MGRN1: variants seen among roughly 807,000 people sequenced by gnomAD.
The protein encoded by MGRN1 is E3 ubiquitin-protein ligase MGRN1.
A neutral mutation model predicts 69.2 loss-of-function variants in MGRN1; 29 were observed. That is an observed-to-expected ratio of 0.42 (90% confidence interval 0.31 to 0.57). The LOEUF (loss-of-function observed/expected upper bound fraction) is 0.57. Ranked by LOEUF, MGRN1 falls within the 20% of genes least tolerant of loss-of-function variation. MGRN1 has a pLI of 0.15. For synonymous variants in MGRN1, 470 were observed against 344.2 expected, an observed-to-expected ratio of 1.37 and a Z score of -4.04; for missense variants, 998 against 796.2, an observed-to-expected ratio of 1.25 and a Z score of -3.05.
intron 1 of MGRN1, among the ~76,000 whole-genome samples, chr16:4,643,829 A>G (rs1018327219): frequency 2.0e-5 from 3 of 152,234 alleles, no homozygotes; most frequent in African/African-American, 7.2e-5. Context: ...TCCAGTTTTT[A>G]TCAATAACAA....
intron 1 of MGRN1, among the ~76,000 whole-genome samples, chr16:4,627,444 C>G (rs552950618): frequency 6.6e-6 from 1 of 152,378 alleles, no homozygotes; most frequent in African/African-American, 2.4e-5. Context: ...TACCACACAA[C>G]TCATCCATTG....
chr16:4,687,222 G>T, intron 16 of MGRN1: 2 of 985,110 alleles, frequency 2.0e-6, no homozygotes, highest in Non-Finnish European at 2.4e-6. Flanking sequence ...CCCAAGAGGC[G>T]CCCTCTACCA....
chr16:4,668,124 C>CTTTTTT, intron 7 of MGRN1, 141 bp from the exon 8 acceptor site: 61 of 521,356 alleles, frequency 1.2e-4, no homozygotes, highest in South Asian at 3.0e-4. Flanking sequence ...TGGCCCCACC[C>CTTTTTT]TTTTTTTTTT....
chr16:4,688,475 C>A (rs534210838), intron 16 of MGRN1: 19 of 1,133,024 alleles, frequency 1.7e-5, no homozygotes, highest in Non-Finnish European at 1.8e-5. Context: ...CCCAGGAAAC[C>A]GGAACCAGGG....
intron 7 of MGRN1, 25 bp from the exon 8 acceptor site, chr16:4,668,240 A>T: frequency 6.2e-7 from 1 of 1,612,494 alleles, no homozygotes; most frequent in Non-Finnish European, 8.5e-7. Context: ...GACCACCTTA[A>T]CCTCTTTGTC....
intron 1 of MGRN1, chr16:4,634,282 C>CGCCCA (rs1206158571): frequency 1.3e-5 from 2 of 152,630 alleles, no homozygotes; most frequent in African/African-American, 4.8e-5. Context: ...CCCTGGCCCT[C>CGCCCA]GCCCAGCCCA....
At chr16:4,677,700 C>G (rs2079083090) in intron 11 of MGRN1, 128 bp downstream of exon 11, 2 of 870,816 alleles carry the variant, frequency 2.3e-6, no homozygotes, top group Non-Finnish European at 3.5e-6. Context: ...GCATGGCCCC[C>G]ATGGATGGCT....
intron 10 of MGRN1, among the ~76,000 whole-genome samples, chr16:4,675,598 T>C (rs2079036531): frequency 6.6e-6 from 1 of 151,900 alleles, no homozygotes; most frequent in African/African-American, 2.4e-5. Context: ...GTTAGCCAGA[T>C]GTGTTGGCTA....
intron 2 of MGRN1, among the ~76,000 whole-genome samples, chr16:4,651,364 A>G (rs1030311092): frequency 1.3e-5 from 2 of 152,162 alleles, no homozygotes; most frequent in African/African-American, 4.8e-5. Context: ...GGCGTAGACA[A>G]TTAATACGGG....
At position 4,663,315 on chromosome 16, in the gene MGRN1, G is replaced by A. The variant is rs111483992; in HGVS notation, c.562-1394G>A. 6.9e-3 allele frequency among the ~76,000 whole-genome samples: 1,037 copies of A among 150,024 alleles called. 19 individuals are homozygous for A. Among genetic ancestry groups the A allele is most frequent in the African/African-American group, 0.023 (953 of 40,714 alleles). On this transcript the variant is annotated intron_variant, in intron 5 of 16. Coordinates refer to ENST00000262370, the MANE Select transcript of MGRN1 (RefSeq NM_015246.4). ...CTGACCTCAGGTGATCCGCCACCTA[G>A]GCCTCCCAAAGTGCTGGGATTACAG...
At chr16:4,661,691 C>A (rs1262034094) in intron 5 of MGRN1, among the ~76,000 whole-genome samples, 1 of 152,224 alleles carries the variant, frequency 6.6e-6, no homozygotes, top group Non-Finnish European at 1.5e-5. Flanking sequence ...ACAGCATAGC[C>A]CCCAGCATCA....
intron 10 of MGRN1, among the ~76,000 whole-genome samples, chr16:4,676,084 C>A (rs1481433684): frequency 6.6e-6 from 1 of 152,254 alleles, no homozygotes; most frequent in African/African-American, 2.4e-5. Flanking sequence ...GGGCGTGGGG[C>A]TGTGCGAGGA....
At chr16:4,652,122 A>G (rs1596281874) in intron 3 of MGRN1, 71 bp downstream of exon 3, 1 of 1,482,542 alleles carries the variant, frequency 6.7e-7, no homozygotes, top group East Asian at 2.4e-5. Context: ...TTCTGGCTTG[A>G]TGCTTGAGGA....
At chr16:4,668,658 TCA>T (rs2141937085) in intron 8 of MGRN1, among the ~76,000 whole-genome samples, 1 of 151,140 alleles carries the variant, frequency 6.6e-6, no homozygotes, top group East Asian at 1.9e-4. Flanking sequence ...ACTCATATAC[TCA>T]GTCACACACA....
At chr16:4,671,656 A>G (rs1433102972) in intron 9 of MGRN1, among the ~76,000 whole-genome samples, 197 bp downstream of exon 9, 2 of 152,124 alleles carry the variant, frequency 1.3e-5, no homozygotes, top group African/African-American at 2.4e-5. Flanking sequence ...CAAATTCACT[A>G]GCTTCTGATG....
At chr16:4,628,493 CATCT>C (rs982859358) in intron 1 of MGRN1, among the ~76,000 whole-genome samples, 1 of 152,092 alleles carries the variant, frequency 6.6e-6, no homozygotes, top group African/African-American at 2.4e-5. Flanking sequence ...AGTTTCCTTC[CATCT>C]GTTTGCAGAG....
chr16:4,679,141 T>C (rs2079120134), intron 11 of MGRN1, among the ~76,000 whole-genome samples: 2 of 152,188 alleles, frequency 1.3e-5, no homozygotes, highest in Non-Finnish European at 2.9e-5. Flanking sequence ...AAACGCTGCG[T>C]GTGCTCAGGT....
chr16:4,664,602 G>A, intron 5 of MGRN1, 107 bp from the exon 6 acceptor site: 3 of 1,175,410 alleles, frequency 2.6e-6, no homozygotes, highest in Non-Finnish European at 3.8e-6. Flanking sequence ...GAGCTCTGCT[G>A]CTGCCTCCTG....
chr16:4,629,908 C>T (rs1304637412), intron 1 of MGRN1, among the ~76,000 whole-genome samples: 1 of 148,596 alleles, frequency 6.7e-6, no homozygotes, highest in South Asian at 2.1e-4. Flanking sequence ...GAGCTGGACG[C>T]AATGGCGCAC....
Sources: allele counts gnomAD v4.1 joint callset (sites outside exome capture counted in the v4.1 genomes callset), GRCh38; gene constraint gnomAD v4.1.1; transcripts MANE v1.5; gene names NCBI Gene and HGNC (gene_info 2026-07-23, HGNC 2026-07-21).